SSB: variants seen among roughly 807,000 people sequenced by gnomAD.
The protein encoded by SSB is small RNA binding exonuclease protection factor La.
Under a neutral mutation model 52.9 loss-of-function variants are expected in SSB, and 17 were observed. The observed-to-expected ratio is 0.32, with a 90% CI of 0.22 to 0.48. The LOEUF is 0.48. SSB is among the 20% of genes least tolerant of loss of function. The pLI, the probability that SSB is intolerant of heterozygous loss-of-function variation, is 0.99. For synonymous variants in SSB, 111 were observed against 152.1 expected, an observed-to-expected ratio of 0.73 and a Z score of 1.99; for missense variants, 314 against 463.6, an observed-to-expected ratio of 0.68 and a Z score of 2.96.
At chr2:169,800,843 A>G in intron 1 of SSB, 109 bp from the exon 2 acceptor site, 1 of 755,270 alleles carries the variant, frequency 1.3e-6, no homozygotes, top group Non-Finnish European at 1.9e-6. Flanking sequence ...GAAAATAGAA[A>G]TTCTTGATTT....
Position 169,808,854 on chromosome 2 carries a change from T to C in SSB, c.627-6T>C, listed in dbSNP as rs1330678817. ...AAGTATGTTATAATTATATTTTTAT[T>C]TGTAGGGAGCAAGAAGCAAAACAAA... On this transcript the variant is annotated splice_polypyrimidine_tract_variant and splice_region_variant and intron_variant, in intron 7 of 11. Coordinates refer to ENST00000260956, the MANE Select transcript of SSB (RefSeq NM_003142.5). The C allele has an allele frequency of 6.3e-7, 1 of 1,580,042 alleles. No individual in the cohort carries two copies. The highest frequency in any genetic ancestry group is 1.4e-5 in the African/African-American group (1 of 73,976).
Sources: gnomAD v4.1 joint callset for allele counts on GRCh38, gnomAD v4.1.1 for gene constraint, MANE v1.5 for transcripts, NCBI Gene and HGNC (gene_info 2026-07-23, HGNC 2026-07-21) for gene names.